ZNF385D: variants seen among roughly 807,000 people sequenced by gnomAD.
ZNF385D encodes zinc finger protein 385D.
In ZNF385D, 15 loss-of-function variants were observed where a neutral mutation model predicts 35.8. The ratio of observed to expected loss-of-function variants is 0.42; its 90% CI spans 0.28 to 0.64. The LOEUF (loss-of-function observed/expected upper bound fraction) is 0.64. Ranked by LOEUF, ZNF385D falls within the 30% of genes least tolerant of loss-of-function variation. ZNF385D has a pLI of 0.23. For synonymous variants in ZNF385D, 212 were observed against 186.8 expected (o/e 1.13, Z -1.10); for missense variants, 474 against 494.6 (o/e 0.96, Z 0.39).
At chr3:21,581,431 A>C (rs1291328138) in intron 2 of ZNF385D, among the ~76,000 whole-genome samples, 1 of 152,136 alleles carries the variant, frequency 6.6e-6, no homozygotes, top group Non-Finnish European at 1.5e-5. Context: ...ACCATCTTCT[A>C]CTGAAATAAT....
intron 2 of ZNF385D, among the ~76,000 whole-genome samples, chr3:22,185,532 A>G (rs1258492850): frequency 6.6e-6 from 1 of 152,036 alleles, no homozygotes. Flanking sequence ...GTGCAGTGCG[A>G]TCTTGGCTCA....
intron 2 of ZNF385D, among the ~76,000 whole-genome samples, chr3:22,343,153 A>C (rs1422798810): frequency 6.6e-6 from 1 of 152,206 alleles, no homozygotes; most frequent in African/African-American, 2.4e-5. Flanking sequence ...GTTACTAGAC[A>C]TGTTAAAATG....
chr3:21,994,807 T>C (rs1328232631), intron 3 of ZNF385D, among the ~76,000 whole-genome samples: 1 of 152,210 alleles, frequency 6.6e-6, no homozygotes, highest in Non-Finnish European at 1.5e-5. Context: ...AGCTGTAATA[T>C]GCATCAATAG....
intron 3 of ZNF385D, among the ~76,000 whole-genome samples, chr3:21,764,210 C>T (rs2070735859): frequency 6.6e-6 from 1 of 152,086 alleles, no homozygotes. Flanking sequence ...TGCAAAGACC[C>T]AGAGGATAAA....
At chr3:21,822,601 GA>G (rs71044949) in intron 3 of ZNF385D, among the ~76,000 whole-genome samples, 29,130 of 151,828 alleles carry the variant, frequency 0.19, 2,901 homozygotes, top group Middle Eastern at 0.21. Context: ...GAAACTTCTG[GA>G]ATGGAAACCG....
intron 3 of ZNF385D, among the ~76,000 whole-genome samples, chr3:22,060,069 T>A (rs1699613064): frequency 6.6e-6 from 1 of 152,176 alleles, no homozygotes; most frequent in Non-Finnish European, 1.5e-5. Context: ...ATTCCAGGAT[T>A]TATACAGCCT....
intron 3 of ZNF385D, among the ~76,000 whole-genome samples, chr3:21,760,024 T>A (rs917847203): frequency 6.6e-6 from 1 of 152,218 alleles, no homozygotes; most frequent in Non-Finnish European, 1.5e-5. Context: ...TTTGGCTTCC[T>A]CTGTCAAAAT....
At chr3:22,067,340 T>C (rs1252812344) in intron 3 of ZNF385D, among the ~76,000 whole-genome samples, 1 of 152,228 alleles carries the variant, frequency 6.6e-6, no homozygotes, top group Non-Finnish European at 1.5e-5. Context: ...TATGTTCAAG[T>C]TGACAGCAAG....
chr3:22,035,118 A>G (rs915472735), intron 3 of ZNF385D, among the ~76,000 whole-genome samples: 7 of 152,212 alleles, frequency 4.6e-5, no homozygotes, highest in African/African-American at 1.7e-4. Flanking sequence ...TTGGGTATCA[A>G]TGAACTAGAA....
chr3:21,783,736 T>G (rs1158481683), intron 3 of ZNF385D, among the ~76,000 whole-genome samples: 2 of 152,144 alleles, frequency 1.3e-5, no homozygotes, highest in African/African-American at 2.4e-5. Context: ...AGGTAAAAGA[T>G]GCTCTTTACA....
At chr3:21,681,801 CTT>C (rs1450945835) in intron 1 of ZNF385D, among the ~76,000 whole-genome samples, 1 of 134,758 alleles carries the variant, frequency 7.4e-6, no homozygotes, top group Non-Finnish European at 1.6e-5. Flanking sequence ...GTAAATCAAA[CTT>C]AATGTGATGA....
At chr3:21,767,961 C>A (rs926458517) in intron 3 of ZNF385D, among the ~76,000 whole-genome samples, 2 of 152,030 alleles carry the variant, frequency 1.3e-5, no homozygotes, top group Non-Finnish European at 2.9e-5. Flanking sequence ...AAAGAATTAT[C>A]TTATTTTTAC....
intron 3 of ZNF385D, among the ~76,000 whole-genome samples, chr3:21,800,605 A>G (rs1479934213): frequency 6.6e-6 from 1 of 152,096 alleles, no homozygotes; most frequent in Non-Finnish European, 1.5e-5. Flanking sequence ...AGACCTTGCT[A>G]TTTTTTATTT....
At chr3:21,812,640 G>T (rs544180007) in intron 3 of ZNF385D, among the ~76,000 whole-genome samples, 83 of 152,352 alleles carry the variant, frequency 5.4e-4, no homozygotes, top group African/African-American at 1.9e-3. Flanking sequence ...TGGCAGCAAG[G>T]CTGGGGGAGG....
At chr3:22,130,806 A>C (rs1703740974) in intron 3 of ZNF385D, among the ~76,000 whole-genome samples, 1 of 152,068 alleles carries the variant, frequency 6.6e-6, no homozygotes, top group Admixed American at 6.6e-5. Context: ...GGTTCTTATG[A>C]AGGTACCTTC....
chr3:22,040,487 A>G (rs166314), intron 3 of ZNF385D, among the ~76,000 whole-genome samples: 100,614 of 152,048 alleles, frequency 0.66, 33,453 homozygotes, highest in Middle Eastern at 0.79. Context: ...GATGGGTGAT[A>G]GGAAATTGTA....
chr3:21,773,642 T>A lies in ZNF385D; in HGVS notation c.326-108614A>T, dbSNP rs538908162. 2.0e-5 allele frequency among the ~76,000 whole-genome samples: 3 copies of A among 151,976 alleles called. No individual in the cohort carries two copies. In the East Asian group the frequency reaches 5.8e-4, roughly 30 times the overall value. On this transcript the variant is annotated intron_variant, in intron 3 of 5. Coordinates refer to the ZNF385D transcript ENST00000494108. ...AACAGACACTTCTCAAAAGACTACA[T>A]ACATGCAGCCCACAAACATATGTTA...
At chr3:22,127,024 G>A (rs886495691) in intron 3 of ZNF385D, among the ~76,000 whole-genome samples, 1 of 151,954 alleles carries the variant, frequency 6.6e-6, no homozygotes, top group Admixed American at 6.6e-5. Flanking sequence ...CATTAGTATG[G>A]AATATCTTTT....
chr3:21,511,057 G>T, intron 3 of ZNF385D, 34 bp from the exon 4 acceptor site: 1 of 1,612,238 alleles, frequency 6.2e-7, no homozygotes. Flanking sequence ...CATGCAATCA[G>T]GCTCATTTCT....
Sources: gnomAD v4.1 joint callset for allele counts (sites outside exome capture counted in the v4.1 genomes callset) on GRCh38, gnomAD v4.1.1 for gene constraint, MANE v1.5 for transcripts, NCBI Gene and HGNC (gene_info 2026-07-23, HGNC 2026-07-21) for gene names.